The following NADK variants were observed in gnomAD, a reference collection of about 807,000 sequenced individuals.
NADK encodes the protein NAD kinase.
NADK carries 22 observed loss-of-function variants against 49.8 expected under a neutral mutation model. The observed-to-expected ratio is 0.44, with a 90% CI of 0.32 to 0.63. The LOEUF (loss-of-function observed/expected upper bound fraction) is 0.63, where lower values mean the gene tolerates loss of function less well. Among genes scored for constraint, NADK ranks in the 30% least tolerant of loss-of-function variants. NADK has a pLI of 0.06. For missense variants in NADK, 438 were observed against 609.4 expected, an observed-to-expected ratio of 0.72 and a Z score of 2.96; for synonymous variants, 268 against 253.7, an observed-to-expected ratio of 1.06 and a Z score of -0.54.
At chr1:1,755,010 C>T (rs1485686076) in intron 7 of NADK, 13 of 390,806 alleles carry the variant, frequency 3.3e-5, no homozygotes, top group South Asian at 1.2e-4. Flanking sequence ...TTAGTAGAGA[C>T]GGGGTTTCAC....
chr1:1,765,751 T>C (rs1645867009), intron 1 of NADK, among the ~76,000 whole-genome samples: 1 of 151,898 alleles, frequency 6.6e-6, no homozygotes, highest in African/African-American at 2.4e-5. Context: ...ATCCCGTCTC[T>C]ACTAAAAATA....
intron 2 of NADK, among the ~76,000 whole-genome samples, chr1:1,763,738 T>C (rs1187820962): frequency 6.6e-6 from 1 of 152,076 alleles, no homozygotes; most frequent in Non-Finnish European, 1.5e-5. Context: ...TGGGATTTAA[T>C]GTTTCCTTCC....
chr1:1,766,032 C>T (rs1176088605), intron 1 of NADK, among the ~76,000 whole-genome samples: 1 of 151,786 alleles, frequency 6.6e-6, no homozygotes, highest in Admixed American at 6.6e-5. Flanking sequence ...CTTTGGGAGG[C>T]TGGAGAGAAA....
intron 1 of NADK, among the ~76,000 whole-genome samples, chr1:1,766,762 G>A (rs1222401392): frequency 2.0e-5 from 3 of 150,020 alleles, no homozygotes; most frequent in African/African-American, 7.4e-5. Context: ...ACAGCACCAC[G>A]TCCAGCTAAT....
chr1:1,772,910 G>A (rs906349043), intron 1 of NADK, among the ~76,000 whole-genome samples: 15 of 151,296 alleles, frequency 9.9e-5, no homozygotes, highest in Admixed American at 2.0e-4. Context: ...GCGTGGTGGC[G>A]CATGCCTGTA....
chr1:1,754,179 T>G lies in NADK; in HGVS notation c.973A>C (p.Thr325Pro). 1 of 1,612,580 alleles carries G rather than the reference T, an allele frequency of 6.2e-7. No homozygotes were observed. Among genetic ancestry groups the G allele is most frequent in the Non-Finnish European group, 8.5e-7 (1 of 1,179,766 alleles). ...GVIVSTPTGS[T>P]AYAAAAGASM... ...GCCCCGGCCGCGGCCGCATACGCCG[T>G]GCTGCCCGTCGGGGTGGACACGATC... Residue 325 changes from threonine (T) to proline (P), a missense_variant, in exon 10 of 12, where the codon ACG becomes CCG. Physicochemically the swap from Thr to Pro is conservative, Grantham distance 38. Coordinates refer to ENST00000341426, the MANE Select transcript of NADK (RefSeq NM_023018.5). The surrounding 1 kb of genome is among the most constrained non-coding windows in gnomAD (Gnocchi z 4.3).
chr1:1,755,235 A>G (rs974989863), intron 7 of NADK, 139 bp downstream of exon 7: 1 of 708,894 alleles, frequency 1.4e-6, no homozygotes, highest in Non-Finnish European at 2.4e-6. Context: ...TGAACCACTC[A>G]AGATTTAGAA....
intron 3 of NADK, among the ~76,000 whole-genome samples, chr1:1,760,512 G>A (rs577899406): frequency 3.2e-4 from 49 of 151,990 alleles, no homozygotes; most frequent in Non-Finnish European, 6.3e-4. Flanking sequence ...CCATGGCACC[G>A]GTGCCTGTCA....
chr1:1,764,774 G>A (rs1252955509), intron 2 of NADK, among the ~76,000 whole-genome samples: 3 of 152,204 alleles, frequency 2.0e-5, no homozygotes, highest in Non-Finnish European at 2.9e-5. Flanking sequence ...GGTGGTGCAC[G>A]CCTGTAATCC....
intron 1 of NADK, among the ~76,000 whole-genome samples, chr1:1,772,730 G>A (rs1205819329): frequency 6.6e-6 from 1 of 151,524 alleles, no homozygotes; most frequent in African/African-American, 2.4e-5. Context: ...CTATGGAGGT[G>A]TATGGAGGTG....
chr1:1,755,032 G>A, intron 7 of NADK: 1 of 402,938 alleles, frequency 2.5e-6, no homozygotes, highest in Non-Finnish European at 4.5e-6. Context: ...GTGTTGGCCA[G>A]GATGGTCTCA....
intron 1 of NADK, among the ~76,000 whole-genome samples, chr1:1,768,942 C>G (rs567593331): frequency 1.3e-5 from 2 of 152,360 alleles, no homozygotes; most frequent in East Asian, 3.9e-4. Flanking sequence ...CTCTCTCTGG[C>G]TGCATTCTAC....
chr1:1,753,921 T>C, intron 10 of NADK, 130 bp downstream of exon 10: 2 of 1,201,780 alleles, frequency 1.7e-6, no homozygotes, highest in Non-Finnish European at 2.3e-6. Context: ...GGGCACAGGA[T>C]GGCCCTAGGA....
At chr1:1,771,770 A>T (rs1646058024) in intron 1 of NADK, among the ~76,000 whole-genome samples, 1 of 152,078 alleles carries the variant, frequency 6.6e-6, no homozygotes, top group Non-Finnish European at 1.5e-5. Context: ...GAGGACTAAA[A>T]CTATGAAACT....
At chr1:1,775,951 C>T (rs963173786) in intron 1 of NADK, among the ~76,000 whole-genome samples, 7 of 152,112 alleles carry the variant, frequency 4.6e-5, no homozygotes, top group Non-Finnish European at 1.5e-5. Context: ...TGAAGCTGGG[C>T]GGTGACTGTC....
Position 1,752,752 on chromosome 1 carries a change from TG to T in NADK, c.*151del. On this transcript the variant is annotated 3_prime_UTR_variant, in exon 12 of 12. Coordinates refer to ENST00000341426, the MANE Select transcript of NADK (RefSeq NM_023018.5). ...AGACATTTTAAAAAAACAGCTGATC[TG>T]GACAAAAGGCAGACCCAGGCTCTAA... The T allele has an allele frequency of 1.1e-6, 1 of 873,012 alleles. No individual in the cohort carries two copies. The highest frequency in any genetic ancestry group is 1.7e-6 in the Non-Finnish European group (1 of 575,526). 54.1% of individuals were successfully genotyped at this position (873,012 alleles called of 1,614,324 possible).
rs149320521 is a variant in NADK at position 1,755,462 on chromosome 1, C to T, written c.600G>A (p.Pro200=). The T allele has an allele frequency of 1.4e-4, 229 of 1,613,788 alleles. 2 individuals are homozygous for T. The East Asian group carries it at 3.3e-3, about 24-fold the overall frequency. Residue 200 remains proline (P), a synonymous_variant, in exon 7 of 12, where the codon CCG becomes CCA. Transcript: ENST00000341426. ...ASSLFQGSVP[P]VMAFHLGSLG... is the part of the protein sequence containing the mutation. ...GGGAGCCCAGGTGGAAGGCCATGAC[C>T]GGAGGGACGCTGCCCTGTGAGCCGA... is the stretch of plus-strand genomic sequence containing the variant.
At chr1:1,757,932 G>A (rs547311988) in intron 3 of NADK, among the ~76,000 whole-genome samples, 11 of 152,110 alleles carry the variant, frequency 7.2e-5, no homozygotes, top group South Asian at 6.2e-4. Flanking sequence ...AGCCACCCGC[G>A]CTTTGCTGGC....
intron 4 of NADK, 99 bp downstream of exon 4, chr1:1,757,082 C>A: frequency 7.9e-6 from 12 of 1,522,696 alleles, no homozygotes; most frequent in Non-Finnish European, 1.1e-5. Flanking sequence ...TTGCCCAGCA[C>A]TTGAGGTGGT....
Sources: allele counts gnomAD v4.1 joint callset (sites outside exome capture counted in the v4.1 genomes callset), GRCh38; gene constraint gnomAD v4.1.1; non-coding constraint Gnocchi (gnomAD v3.1); transcripts MANE v1.5; gene names NCBI Gene and HGNC (gene_info 2026-07-23, HGNC 2026-07-21).